Variants in MRPS27 observed in about 807,000 individuals in gnomAD.
MRPS27 encodes mitochondrial ribosomal protein S27.
MRPS27 carries 43 observed loss-of-function variants against 48.9 expected under a neutral mutation model. The ratio of observed to expected loss-of-function variants is 0.88; its 90% CI spans 0.69 to 1.13. MRPS27 has a LOEUF of 1.13. MRPS27 is among the 50% of genes most tolerant of loss of function. MRPS27 has a pLI of 0.00. For missense variants in MRPS27, 467 were observed against 476.3 expected (o/e 0.98, Z 0.18); for synonymous variants, 188 against 171.9 (o/e 1.09, Z -0.73).
intron 4 of MRPS27, among the ~76,000 whole-genome samples, chr5:72,256,940 C>A (rs1234049136): frequency 2.0e-5 from 3 of 152,128 alleles, no homozygotes; most frequent in Non-Finnish European, 4.4e-5. Context: ...ACTAGACGTG[C>A]CATTCTTAGT....
At chr5:72,291,059 T>C (rs1749805914) in intron 4 of MRPS27, among the ~76,000 whole-genome samples, 1 of 152,152 alleles carries the variant, frequency 6.6e-6, no homozygotes, top group African/African-American at 2.4e-5. Context: ...CCTGTCCAAA[T>C]CTTCTCACTC....
chr5:72,225,206 A>G (rs996624416), intron 9 of MRPS27, among the ~76,000 whole-genome samples: 3 of 152,224 alleles, frequency 2.0e-5, no homozygotes, highest in Non-Finnish European at 2.9e-5. Context: ...AAAGAGCATA[A>G]TGATTCACTA....
At chr5:72,239,023 ATATGC>A (rs1289962806) in intron 4 of MRPS27, among the ~76,000 whole-genome samples, 1 of 152,146 alleles carries the variant, frequency 6.6e-6, no homozygotes, top group Non-Finnish European at 1.5e-5. Context: ...ATGGACCCTC[ATATGC>A]TATACTATAT....
At chr5:72,265,830 C>T (rs1749095521) in intron 4 of MRPS27, among the ~76,000 whole-genome samples, 1 of 152,126 alleles carries the variant, frequency 6.6e-6, no homozygotes, top group East Asian at 1.9e-4. Context: ...AGAAGCCTGG[C>T]TCTGTTACGA....
intron 4 of MRPS27, among the ~76,000 whole-genome samples, chr5:72,242,273 G>T (rs1235529157): frequency 6.6e-6 from 1 of 152,054 alleles, no homozygotes; most frequent in Non-Finnish European, 1.5e-5. Flanking sequence ...ACTCTTAAGG[G>T]CATCTGCCTG....
chr5:72,254,858 T>C (rs1748755723), intron 4 of MRPS27, among the ~76,000 whole-genome samples: 1 of 152,046 alleles, frequency 6.6e-6, no homozygotes, highest in Admixed American at 6.6e-5. Flanking sequence ...ATCGGTTCTG[T>C]TGTGTGAAAT....
chr5:72,281,466 C>T (rs1023821945), intron 4 of MRPS27, among the ~76,000 whole-genome samples: 2 of 152,126 alleles, frequency 1.3e-5, no homozygotes, highest in African/African-American at 4.8e-5. Context: ...GAAGACAAAA[C>T]AAAATAAGTA....
At chr5:72,319,537 C>CTTTTTTT (rs35020848) in intron 1 of MRPS27, among the ~76,000 whole-genome samples, 1 of 84,214 alleles carries the variant, frequency 1.2e-5, no homozygotes, top group Non-Finnish European at 2.2e-5. Flanking sequence ...TAGGTTTTTC[C>CTTTTTTT]TTTTTTTTTT....
At chr5:72,221,867 C>A (rs895702247) in intron 10 of MRPS27, among the ~76,000 whole-genome samples, 1 of 151,784 alleles carries the variant, frequency 6.6e-6, no homozygotes, top group African/African-American at 2.4e-5. Context: ...TGAAATGGCA[C>A]CTTGGTTTGG....
chr5:72,289,845 G>A (rs955402380), intron 4 of MRPS27, among the ~76,000 whole-genome samples: 1 of 152,198 alleles, frequency 6.6e-6, no homozygotes, highest in African/African-American at 2.4e-5. Context: ...CACCCGGATA[G>A]TAGAAGGAGC....
intron 2 of MRPS27, among the ~76,000 whole-genome samples, chr5:72,302,003 T>A (rs1316792749): frequency 6.6e-6 from 1 of 152,196 alleles, no homozygotes; most frequent in Admixed American, 6.5e-5. Flanking sequence ...AAGATACTTT[T>A]TTGCTTGCTA....
chr5:72,237,342 G>A (rs558945795), intron 5 of MRPS27, among the ~76,000 whole-genome samples: 1 of 152,146 alleles, frequency 6.6e-6, no homozygotes, highest in Non-Finnish European at 1.5e-5. Context: ...TTGAACTGGT[G>A]CAACTGGAAA....
At chr5:72,289,701 G>T (rs1286100340) in intron 4 of MRPS27, among the ~76,000 whole-genome samples, 1 of 152,068 alleles carries the variant, frequency 6.6e-6, no homozygotes, top group Non-Finnish European at 1.5e-5. Flanking sequence ...GGCATGAGCC[G>T]CTGTGCCTGG....
intron 2 of MRPS27, among the ~76,000 whole-genome samples, chr5:72,299,795 T>C (rs1750082490): frequency 6.6e-6 from 1 of 152,226 alleles, no homozygotes; most frequent in Non-Finnish European, 1.5e-5. Context: ...GCTTTTCAAA[T>C]TTACAATATC....
At chr5:72,224,695 CAA>C (rs2111933375) in intron 9 of MRPS27, among the ~76,000 whole-genome samples, 1 of 152,290 alleles carries the variant, frequency 6.6e-6, no homozygotes, top group South Asian at 2.1e-4. Flanking sequence ...AAGCTGCTGG[CAA>C]AGACCAGAGA....
At chr5:72,316,589 G>C (rs73109209) in intron 1 of MRPS27, among the ~76,000 whole-genome samples, 1 of 151,724 alleles carries the variant, frequency 6.6e-6, no homozygotes, top group Non-Finnish European at 1.5e-5. Context: ...GGCTGGTCTC[G>C]AACTCCTACC....
At chr5:72,303,296 C>T (rs1750170855) in intron 2 of MRPS27, among the ~76,000 whole-genome samples, 2 of 152,066 alleles carry the variant, frequency 1.3e-5, no homozygotes, top group East Asian at 3.8e-4. Flanking sequence ...GTGAAGAATA[C>T]CTCATCAAAG....
intron 4 of MRPS27, among the ~76,000 whole-genome samples, chr5:72,273,812 C>T (rs1256289428): frequency 3.3e-5 from 5 of 152,092 alleles, no homozygotes; most frequent in East Asian, 1.9e-4. Context: ...ATAAACACAA[C>T]GTTTAGGCTA....
chr5:72,273,930 T>G (rs537867856), intron 4 of MRPS27, among the ~76,000 whole-genome samples: 1 of 152,348 alleles, frequency 6.6e-6, no homozygotes, highest in African/African-American at 2.4e-5. Context: ...TTTTCTGTAG[T>G]AACACTTAGG....
Sources: allele counts gnomAD v4.1 joint callset (sites outside exome capture counted in the v4.1 genomes callset), GRCh38; gene constraint gnomAD v4.1.1; transcripts MANE v1.5; gene names NCBI Gene and HGNC (gene_info 2026-07-23, HGNC 2026-07-21).